STX18: variants seen among roughly 807,000 people sequenced by gnomAD.
The protein encoded by STX18 is syntaxin-18.
A neutral mutation model predicts 50.1 loss-of-function variants in STX18; 40 were observed. That is an observed-to-expected ratio of 0.80 (90% CI 0.62 to 1.04). The LOEUF is 1.04. STX18 is among the 50% of genes least tolerant of loss of function. The pLI, the probability that STX18 is intolerant of heterozygous loss-of-function variation, is 0.00. For synonymous variants in STX18, 158 were observed against 151.8 expected, an observed-to-expected ratio of 1.04 and a Z score of -0.30; for missense variants, 410 against 415.8, an observed-to-expected ratio of 0.99 and a Z score of 0.12.
chr4:4,436,438 G>A lies in STX18; in HGVS notation c.614-1580C>T, dbSNP rs538418864. Among the ~76,000 whole-genome samples the A allele has an allele frequency of 5.6e-4, 72 of 128,096 alleles. 3 individuals carry two copies. The South Asian group carries it at 0.016, about 29-fold the overall frequency. 84.0% of individuals were successfully genotyped at this position (128,096 alleles called of 152,430 possible). ...CCACCTTATGAGCTGTCTCCTACTTGTCCTCATTATGGTATCCATTTCAAG... is the reference window on the plus strand; with the variant it reads ...CCACCTTATGAGCTGTCTCCTACTTATCCTCATTATGGTATCCATTTCAAG... On this transcript the variant is annotated intron_variant, in intron 6 of 10. Coordinates refer to ENST00000306200, the MANE Select transcript of STX18 (RefSeq NM_016930.4).
At chr4:4,513,065 T>C (rs1325122682) in intron 1 of STX18, among the ~76,000 whole-genome samples, 1 of 152,070 alleles carries the variant, frequency 6.6e-6, no homozygotes, top group African/African-American at 2.4e-5. Context: ...GGTATTCAAT[T>C]TAGAATTTAA....
chr4:4,469,433 G>C (rs1026372513), intron 2 of STX18, among the ~76,000 whole-genome samples: 1 of 152,156 alleles, frequency 6.6e-6, no homozygotes, highest in Admixed American at 6.5e-5. Context: ...AAGCGACAGG[G>C]CCTGTTGGCT....
chr4:4,541,608 C>T (rs1485844564), intron 1 of STX18, among the ~76,000 whole-genome samples, 189 bp downstream of exon 1: 1 of 151,804 alleles, frequency 6.6e-6, no homozygotes, highest in East Asian at 1.9e-4. Context: ...AATATGCGTC[C>T]CCCTTCCTCA....
intron 5 of STX18, among the ~76,000 whole-genome samples, chr4:4,447,220 C>A (rs1267627449): frequency 6.6e-6 from 1 of 152,062 alleles, no homozygotes; most frequent in Non-Finnish European, 1.5e-5. Flanking sequence ...ACTCATCTGC[C>A]AGAATTTTCA....
chr4:4,500,447 T>C (rs924206536), intron 1 of STX18, among the ~76,000 whole-genome samples: 1 of 152,206 alleles, frequency 6.6e-6, no homozygotes, highest in Non-Finnish European at 1.5e-5. Flanking sequence ...TACATTGTAT[T>C]GGGTTTTATA....
At chr4:4,465,880 GT>G (rs1364972734) in intron 2 of STX18, among the ~76,000 whole-genome samples, 5 of 152,212 alleles carry the variant, frequency 3.3e-5, no homozygotes, top group African/African-American at 1.2e-4. Context: ...GGACAACCAT[GT>G]TTGTGTTTGT....
chr4:4,487,346 A>G (rs981878282), intron 1 of STX18, among the ~76,000 whole-genome samples: 2 of 152,162 alleles, frequency 1.3e-5, no homozygotes, highest in African/African-American at 2.4e-5. Context: ...ATCATAATAA[A>G]CTTCCAAATC....
At chr4:4,426,246 G>C (rs890243060) in intron 7 of STX18, 53 of 152,352 alleles carry the variant, frequency 3.5e-4, no homozygotes, top group African/African-American at 1.3e-3. Context: ...AGCTTCCTGA[G>C]GGCGGGAACT....
chr4:4,443,291 T>C (rs1265286593), intron 5 of STX18, among the ~76,000 whole-genome samples: 3 of 152,248 alleles, frequency 2.0e-5, no homozygotes, highest in Non-Finnish European at 4.4e-5. Context: ...AACATGGAAC[T>C]GGTGGAAGAC....
At chr4:4,426,994 C>G (rs1475061503) in intron 7 of STX18, among the ~76,000 whole-genome samples, 2 of 152,186 alleles carry the variant, frequency 1.3e-5, no homozygotes, top group East Asian at 3.8e-4. Context: ...TCAGGGCAGA[C>G]TGAATCACCT....
intron 1 of STX18, among the ~76,000 whole-genome samples, chr4:4,528,087 G>T (rs75733683): frequency 0.011 from 1,683 of 152,024 alleles, 24 homozygotes; most frequent in African/African-American, 0.038. Context: ...TTCTAGAGCT[G>T]GTGGGCAGAC....
chr4:4,422,333 A>G (rs890058686), intron 9 of STX18, among the ~76,000 whole-genome samples: 1 of 152,098 alleles, frequency 6.6e-6, no homozygotes, highest in African/African-American at 2.4e-5. Flanking sequence ...TTGGGAGGCC[A>G]AGGCAGGTGG....
chr4:4,504,199 T>A (rs889722669), intron 1 of STX18, among the ~76,000 whole-genome samples: 3 of 152,206 alleles, frequency 2.0e-5, no homozygotes, highest in African/African-American at 7.2e-5. Context: ...GTTCAAGGAA[T>A]CAAGCTGGAT....
intron 1 of STX18, among the ~76,000 whole-genome samples, chr4:4,536,204 G>A (rs1466171814): frequency 6.6e-6 from 1 of 152,208 alleles, no homozygotes; most frequent in African/African-American, 2.4e-5. Flanking sequence ...CAGAGCTTTA[G>A]AACTGCAATG....
chr4:4,421,455 A>C (rs961067780), intron 9 of STX18, among the ~76,000 whole-genome samples: 7 of 151,946 alleles, frequency 4.6e-5, no homozygotes, highest in African/African-American at 1.7e-4. Flanking sequence ...GGGTCTCCCT[A>C]TGTTGCCCAG....
intron 5 of STX18, among the ~76,000 whole-genome samples, chr4:4,450,523 C>T (rs779960932): frequency 6.6e-5 from 10 of 152,108 alleles, no homozygotes; most frequent in Non-Finnish European, 1.2e-4. Context: ...AGGCTGGTCC[C>T]GAACTCCCGG....
At chr4:4,520,450 T>C (rs879141813) in intron 1 of STX18, among the ~76,000 whole-genome samples, 1 of 152,176 alleles carries the variant, frequency 6.6e-6, no homozygotes, top group Non-Finnish European at 1.5e-5. Context: ...CATCAAATCC[T>C]TTCACATAAA....
chr4:4,434,237 C>T (rs1725662894), intron 7 of STX18, among the ~76,000 whole-genome samples: 1 of 152,230 alleles, frequency 6.6e-6, no homozygotes, highest in Admixed American at 6.5e-5. Context: ...GAGCTGCACA[C>T]AGACATTGCT....
intron 1 of STX18, among the ~76,000 whole-genome samples, chr4:4,535,384 A>G (rs1731282835): frequency 6.6e-6 from 1 of 152,178 alleles, no homozygotes; most frequent in African/African-American, 2.4e-5. Context: ...TCACAATCTC[A>G]TGAAAACTCT....
Sources: allele counts gnomAD v4.1 joint callset (sites outside exome capture counted in the v4.1 genomes callset), GRCh38; gene constraint gnomAD v4.1.1; transcripts MANE v1.5; gene names NCBI Gene and HGNC (gene_info 2026-07-23, HGNC 2026-07-21).